The following CHRM3 variants were observed in gnomAD, a reference collection of about 807,000 sequenced individuals.
CHRM3 encodes muscarinic acetylcholine receptor M3.
Under a neutral mutation model 41.8 loss-of-function variants are expected in CHRM3, and 11 were observed. The ratio of observed to expected loss-of-function variants is 0.26; its 90% CI spans 0.17 to 0.44. The LOEUF is 0.44. CHRM3 is among the 20% of genes least tolerant of loss of function. The probability of loss-of-function intolerance (pLI) is 1.00; values close to 1 mark genes in which losing one functional copy is unlikely to be tolerated. For missense variants in CHRM3, 571 were observed against 745.4 expected, an observed-to-expected ratio of 0.77 and a Z score of 2.72; for synonymous variants, 297 against 301.4, an observed-to-expected ratio of 0.99 and a Z score of 0.15.
At chr1:239,809,712 T>G (rs540909680) in intron 5 of CHRM3, among the ~76,000 whole-genome samples, 1 of 151,908 alleles carries the variant, frequency 6.6e-6, no homozygotes, top group Admixed American at 6.6e-5. Flanking sequence ...TTGCCCAGGC[T>G]GGTCTCGAAA....
intron 1 of CHRM3, among the ~76,000 whole-genome samples, chr1:239,459,886 A>G (rs1437430963): frequency 2.0e-5 from 3 of 152,212 alleles, no homozygotes; most frequent in Non-Finnish European, 2.9e-5. Context: ...GTCTCCTAAA[A>G]GTTGTCAACA....
At chr1:239,816,102 A>T (rs896775264) in intron 5 of CHRM3, among the ~76,000 whole-genome samples, 3 of 152,004 alleles carry the variant, frequency 2.0e-5, no homozygotes, top group Non-Finnish European at 4.4e-5. Context: ...CAATTGTCAC[A>T]TATCCAGAGG....
intron 6 of CHRM3, among the ~76,000 whole-genome samples, chr1:239,879,933 G>A (rs956121383): frequency 2.0e-5 from 3 of 152,208 alleles, no homozygotes; most frequent in African/African-American, 7.2e-5. Context: ...TGCTATTAAT[G>A]TATATGATAT....
intron 5 of CHRM3, among the ~76,000 whole-genome samples, chr1:239,715,147 C>A (rs1174513146): frequency 6.6e-6 from 1 of 152,080 alleles, no homozygotes; most frequent in Admixed American, 6.6e-5. Flanking sequence ...GGTTTATCAA[C>A]TATGAGTTAC....
intron 1 of CHRM3, among the ~76,000 whole-genome samples, chr1:239,390,621 T>C (rs1658946438): frequency 1.4e-5 from 2 of 148,026 alleles, no homozygotes; most frequent in Admixed American, 6.7e-5. Flanking sequence ...TTTTTTGAGA[T>C]GGAGTCTCAC....
chr1:239,504,969 G>T (rs952492542), intron 2 of CHRM3, among the ~76,000 whole-genome samples: 5 of 152,100 alleles, frequency 3.3e-5, no homozygotes, highest in African/African-American at 1.2e-4. Flanking sequence ...AGTGTATACT[G>T]TTTGGGTGAT....
chr1:239,837,233 G>GAA (rs1395674126), intron 6 of CHRM3, among the ~76,000 whole-genome samples: 2,526 of 152,236 alleles, frequency 0.017, 77 homozygotes, highest in African/African-American at 0.058. Context: ...CTTGCCCTTT[G>GAA]AAGAGTCTGT....
At chr1:239,577,596 A>G (rs1237372416) in intron 3 of CHRM3, among the ~76,000 whole-genome samples, 3 of 152,150 alleles carry the variant, frequency 2.0e-5, no homozygotes, top group Admixed American at 1.3e-4. Context: ...AATTCTTAAC[A>G]CTGTTAACAG....
intron 2 of CHRM3, among the ~76,000 whole-genome samples, chr1:239,503,615 C>T (rs1668382892): frequency 6.6e-6 from 1 of 152,100 alleles, no homozygotes; most frequent in Non-Finnish European, 1.5e-5. Flanking sequence ...CAAAGCAATA[C>T]TAAGCAAAAA....
chr1:239,576,594 G>GCACACACA (rs3063538), intron 3 of CHRM3, among the ~76,000 whole-genome samples: 7 of 141,784 alleles, frequency 4.9e-5, no homozygotes, highest in East Asian at 4.2e-4. Context: ...ACACACACAC[G>GCACACACA]CACACACACA....
At chr1:239,890,406 T>C (rs1678454308) in intron 6 of CHRM3, among the ~76,000 whole-genome samples, 1 of 152,028 alleles carries the variant, frequency 6.6e-6, no homozygotes, top group Admixed American at 6.6e-5. Flanking sequence ...GCATACACAG[T>C]CCATTTCCTA....
At chr1:239,703,330 T>C (rs1177223922) in intron 5 of CHRM3, 1 of 152,202 alleles carries the variant, frequency 6.6e-6, no homozygotes, top group African/African-American at 2.4e-5. Context: ...CAATTCCAGG[T>C]TCCGTCACAT....
chr1:239,420,757 G>T (rs1051692985), intron 1 of CHRM3, among the ~76,000 whole-genome samples: 1 of 151,954 alleles, frequency 6.6e-6, no homozygotes, highest in African/African-American at 2.4e-5. Flanking sequence ...TTATGCTGAT[G>T]GTTAGAAGTT....
intron 5 of CHRM3, among the ~76,000 whole-genome samples, chr1:239,808,997 T>G (rs1670887996): frequency 6.7e-6 from 1 of 149,662 alleles, no homozygotes; most frequent in Non-Finnish European, 1.5e-5. Flanking sequence ...TGTCAAAGTC[T>G]GGGTCTTTGA....
At chr1:239,596,915 G>A (rs992481992) in intron 3 of CHRM3, among the ~76,000 whole-genome samples, 2 of 152,052 alleles carry the variant, frequency 1.3e-5, no homozygotes, top group Non-Finnish European at 2.9e-5. Flanking sequence ...CAAAGTTGTT[G>A]GGTTTTTCTG....
intron 2 of CHRM3, among the ~76,000 whole-genome samples, chr1:239,518,801 C>G (rs894846332): frequency 4.6e-5 from 7 of 152,294 alleles, no homozygotes; most frequent in Non-Finnish European, 8.8e-5. Flanking sequence ...GCAGTCTGCC[C>G]AATCCCATCC....
At chr1:239,713,116 T>C (rs1661981963) in intron 5 of CHRM3, among the ~76,000 whole-genome samples, 1 of 152,152 alleles carries the variant, frequency 6.6e-6, no homozygotes, top group African/African-American at 2.4e-5. Flanking sequence ...TTCATGGGCA[T>C]TTCTGTGCGG....
intron 1 of CHRM3, among the ~76,000 whole-genome samples, chr1:239,416,243 T>A (rs1398051584): frequency 1.3e-5 from 2 of 152,178 alleles, no homozygotes; most frequent in African/African-American, 4.8e-5. Context: ...GATTTTCTCC[T>A]AACGTTTAGA....
intron 3 of CHRM3, among the ~76,000 whole-genome samples, chr1:239,582,313 T>A (rs1380008015): frequency 6.6e-6 from 1 of 152,180 alleles, no homozygotes; most frequent in African/African-American, 2.4e-5. Flanking sequence ...TGACCTATAT[T>A]ATCATCTCAT....
Sources: allele counts gnomAD v4.1 joint callset (sites outside exome capture counted in the v4.1 genomes callset), GRCh38; gene constraint gnomAD v4.1.1; transcripts MANE v1.5; gene names NCBI Gene and HGNC (gene_info 2026-07-23, HGNC 2026-07-21).